ANO3: variants seen among roughly 807,000 people sequenced by gnomAD.
ANO3 encodes anoctamin 3, also known as anoctamin-3.
In ANO3, 99 loss-of-function variants were observed where a neutral mutation model predicts 144.8. The ratio of observed to expected loss-of-function variants is 0.68; its 90% CI spans 0.58 to 0.81. ANO3 has a LOEUF of 0.81. Ranked by LOEUF, ANO3 falls within the 30% of genes least tolerant of loss-of-function variation. The pLI is 0.00. For synonymous variants in ANO3, 414 were observed against 392.6 expected (o/e 1.05, Z -0.64); for missense variants, 905 against 1,202.2 (o/e 0.75, Z 3.66).
At chr11:26,429,372 G>T (rs1858012613) in intron 1 of ANO3, among the ~76,000 whole-genome samples, 1 of 151,130 alleles carries the variant, frequency 6.6e-6, no homozygotes, top group Non-Finnish European at 1.5e-5. Context: ...TTCTAAGTAA[G>T]GAAAGGGGGA....
At chr11:26,509,713 C>T (rs1334750856) in intron 5 of ANO3, among the ~76,000 whole-genome samples, 3 of 152,094 alleles carry the variant, frequency 2.0e-5, no homozygotes, top group Non-Finnish European at 4.4e-5. Context: ...TGCTAATAAG[C>T]ATCATCAGAG....
intron 5 of ANO3, among the ~76,000 whole-genome samples, chr11:26,514,310 G>A (rs986205911): frequency 6.6e-6 from 1 of 152,050 alleles, no homozygotes; most frequent in Non-Finnish European, 1.5e-5. Context: ...AGCTTTGTAA[G>A]TCATCATCAT....
chr11:26,412,756 G>T (rs1290838144), intron 1 of ANO3, among the ~76,000 whole-genome samples: 1 of 147,790 alleles, frequency 6.8e-6, no homozygotes, highest in Non-Finnish European at 1.5e-5. Context: ...GTGCTATTCA[G>T]GTTCAAAAGA....
chr11:26,412,177 G>T (rs978708405), intron 1 of ANO3, among the ~76,000 whole-genome samples: 1 of 151,930 alleles, frequency 6.6e-6, no homozygotes, highest in African/African-American at 2.4e-5. Context: ...CTTTTAATAT[G>T]AATTCAACTA....
intron 1 of ANO3, among the ~76,000 whole-genome samples, chr11:26,388,395 C>T (rs527980380): frequency 6.6e-6 from 1 of 152,088 alleles, no homozygotes; most frequent in African/African-American, 2.4e-5. Context: ...ACTGTCTTGG[C>T]TTTAGATTAG....
chr11:26,498,061 A>T (rs981634700), intron 4 of ANO3, among the ~76,000 whole-genome samples: 3 of 151,978 alleles, frequency 2.0e-5, no homozygotes, highest in African/African-American at 7.2e-5. Flanking sequence ...ATCTCAACAT[A>T]TGTACTCTGA....
At chr11:26,655,844 G>A (rs2133094696) in intron 24 of ANO3, among the ~76,000 whole-genome samples, 1 of 152,146 alleles carries the variant, frequency 6.6e-6, no homozygotes, top group East Asian at 1.9e-4. Flanking sequence ...TGCATAGAAA[G>A]TAATTAGCAA....
chr11:26,539,519 TG>T (rs1259553962), intron 10 of ANO3, among the ~76,000 whole-genome samples: 1 of 152,170 alleles, frequency 6.6e-6, no homozygotes, highest in Non-Finnish European at 1.5e-5. Context: ...TGAGCTAGTT[TG>T]GGAAGACAAT....
At chr11:26,598,265 CA>C (rs1416610046) in intron 14 of ANO3, 99 bp from the exon 15 acceptor site, 2 of 513,120 alleles carry the variant, frequency 3.9e-6, no homozygotes, top group Non-Finnish European at 6.2e-6. Context: ...TTATTATTTT[CA>C]TAATTTAATT....
chr11:26,423,311 T>G (rs72886210), intron 1 of ANO3, among the ~76,000 whole-genome samples: 2,859 of 104,742 alleles, frequency 0.027, 40 homozygotes, highest in African/African-American at 0.077. Flanking sequence ...CCTTTATACT[T>G]TTTTTTTTTT....
chr11:26,590,781 G>A (rs532347599), intron 14 of ANO3, among the ~76,000 whole-genome samples: 2 of 152,310 alleles, frequency 1.3e-5, no homozygotes, highest in African/African-American at 2.4e-5. Context: ...TGCTGGATCC[G>A]GAGGGGTGGA....
At chr11:26,637,088 A>G (rs970693849) in intron 20 of ANO3, among the ~76,000 whole-genome samples, 6 of 152,180 alleles carry the variant, frequency 3.9e-5, no homozygotes, top group African/African-American at 1.4e-4. Context: ...TTTCTACCAA[A>G]TGAAATTTAG....
At chr11:26,514,927 C>T (rs1451154923) in intron 5 of ANO3, among the ~76,000 whole-genome samples, 1 of 152,080 alleles carries the variant, frequency 6.6e-6, no homozygotes. Flanking sequence ...AAAAAAGTCA[C>T]GGTCTTCTCT....
chr11:26,576,817 A>C (rs1373708923), intron 14 of ANO3, among the ~76,000 whole-genome samples: 2 of 152,224 alleles, frequency 1.3e-5, no homozygotes, highest in African/African-American at 4.8e-5. Context: ...AATGCCTTGC[A>C]CAGAGTAAAT....
At chr11:26,600,067 C>T (rs66527152) in intron 17 of ANO3, among the ~76,000 whole-genome samples, 18,189 of 151,998 alleles carry the variant, frequency 0.12, 1,308 homozygotes, top group African/African-American at 0.2. Flanking sequence ...CAATAAACTC[C>T]ATTTTATGGG....
At chr11:26,657,096 A>G (rs1254132489) in intron 26 of ANO3, among the ~76,000 whole-genome samples, 1 of 152,182 alleles carries the variant, frequency 6.6e-6, no homozygotes, top group Non-Finnish European at 1.5e-5. Context: ...TATATTGAGT[A>G]TCTACTCTCT....
At chr11:26,564,782 T>TCTG (rs1565109291) in intron 14 of ANO3, among the ~76,000 whole-genome samples, 3,737 of 104,056 alleles carry the variant, frequency 0.036, 225 homozygotes, top group Non-Finnish European at 0.056. Flanking sequence ...TATATATATA[T>TCTG]ATAAGTTCAG....
At chr11:26,600,566 C>T (rs1027573182) in intron 17 of ANO3, among the ~76,000 whole-genome samples, 1 of 118,688 alleles carries the variant, frequency 8.4e-6, no homozygotes, top group Non-Finnish European at 1.7e-5. Context: ...ATCCCTCCCT[C>T]TCTCACTTCC....
At chr11:26,455,121 T>C (rs1408333450) in intron 3 of ANO3, among the ~76,000 whole-genome samples, 1 of 152,034 alleles carries the variant, frequency 6.6e-6, no homozygotes, top group Non-Finnish European at 1.5e-5. Flanking sequence ...AATATCATAC[T>C]GAATGGGCAA....
Sources: allele counts gnomAD v4.1 joint callset (sites outside exome capture counted in the v4.1 genomes callset), GRCh38; gene constraint gnomAD v4.1.1; transcripts MANE v1.5; gene names NCBI Gene and HGNC (gene_info 2026-07-23, HGNC 2026-07-21).